Variants in CCT8 observed in about 807,000 individuals in gnomAD.
The protein encoded by CCT8 is T-complex protein 1 subunit theta.
In CCT8, 10 loss-of-function variants were observed where a neutral mutation model predicts 65.7. The observed-to-expected ratio is 0.15, with a 90% confidence interval of 0.09 to 0.26. The LOEUF (loss-of-function observed/expected upper bound fraction) is 0.26, where lower values mean the gene tolerates loss of function less well. CCT8 is among the 10% of genes least tolerant of loss of function. The pLI is 1.00. For synonymous variants in CCT8, 199 were observed against 221.8 expected (o/e 0.90, Z 0.92); for missense variants, 568 against 669.1 (o/e 0.85, Z 1.67).
At chr21:29,073,259 C>A (rs1200751782) in intron 1 of CCT8, 4 of 1,325,022 alleles carry the variant, frequency 3.0e-6, no homozygotes, top group South Asian at 1.8e-5. Context: ...GCAAAACGCA[C>A]GCGCGGCTTC....
intron 3 of CCT8, among the ~76,000 whole-genome samples, chr21:29,068,620 C>T (rs1028740354): frequency 6.6e-6 from 1 of 151,980 alleles, no homozygotes; most frequent in Non-Finnish European, 1.5e-5. Flanking sequence ...CCACCACGCC[C>T]GGCTGATTTT....
chr21:29,068,962 C>T (rs1568915265), intron 3 of CCT8, among the ~76,000 whole-genome samples: 1 of 152,176 alleles, frequency 6.6e-6, no homozygotes, highest in Non-Finnish European at 1.5e-5. Flanking sequence ...TTCCTTATAA[C>T]CCTGCTGGCA....
intron 6 of CCT8, among the ~76,000 whole-genome samples, chr21:29,065,867 G>C (rs2085615662): frequency 1.3e-5 from 2 of 152,128 alleles, no homozygotes; most frequent in Non-Finnish European, 2.9e-5. Flanking sequence ...CAGATCATGA[G>C]GTCAGGAGTT....
chr21:29,073,249 G>A (rs929942511), intron 1 of CCT8: 58 of 1,310,788 alleles, frequency 4.4e-5, no homozygotes, highest in Admixed American at 9.8e-5. Context: ...ACGGATGGAG[G>A]CAAAACGCAC....
At chr21:29,061,023 T>A (rs1936935183) in intron 13 of CCT8, among the ~76,000 whole-genome samples, 1 of 152,212 alleles carries the variant, frequency 6.6e-6, no homozygotes, top group Admixed American at 6.5e-5. Context: ...GTTGGTTGAA[T>A]CAATGGATAC....
chr21:29,062,612 A>G (rs1028896257), intron 8 of CCT8, 56 bp from the exon 9 acceptor site: 6 of 1,432,716 alleles, frequency 4.2e-6, no homozygotes, highest in Non-Finnish European at 5.8e-6. Context: ...GATAGCATAT[A>G]AAGTTCAAAT....
intron 1 of CCT8, chr21:29,071,891 T>A: frequency 1.4e-6 from 1 of 696,536 alleles, no homozygotes; most frequent in South Asian, 1.5e-5. Flanking sequence ...TGCAAATCCC[T>A]TTTCAAGGAA....
At position 29,062,343 on chromosome 21, in the gene CCT8, C is replaced by A; in HGVS notation, c.1081G>T (p.Val361Leu). The A allele has an allele frequency of 1.2e-6, 2 of 1,613,662 alleles. No individual in the cohort carries two copies. Among genetic ancestry groups the A allele is most frequent in the Non-Finnish European group, 1.7e-6 (2 of 1,179,568 alleles). ...YLSEVGDTQV[V>L]VFKHEKEDGA... Reference sequence around the variant, plus strand: ...TCCTACATACCATGCTTAAAAACCACCACCTGAGTATCTCCAACTTCTGAG... The same window carrying A: ...TCCTACATACCATGCTTAAAAACCAACACCTGAGTATCTCCAACTTCTGAG... The change falls in exon 10 of 15, where the codon GTG becomes TTG. Residue 361 changes from valine (V) to leucine (L), a missense_variant. Transcript: ENST00000286788.
intron 6 of CCT8, 97 bp from the exon 7 acceptor site, chr21:29,065,202 AATAAAGTC>A: frequency 7.6e-6 from 10 of 1,319,260 alleles, no homozygotes; most frequent in Non-Finnish European, 1.1e-5. Context: ...CCCTTTCTAA[AATAAAGTC>A]ATAAACCAAG....
intron 12 of CCT8, 37 bp from the exon 13 acceptor site, chr21:29,061,454 A>T (rs1377694574): frequency 6.2e-7 from 1 of 1,613,494 alleles, no homozygotes; most frequent in Non-Finnish European, 8.5e-7. Context: ...TCTTTTATTC[A>T]AGCAATGGAA....
chr21:29,068,595 A>G (rs2085649417), intron 3 of CCT8, among the ~76,000 whole-genome samples: 1 of 151,916 alleles, frequency 6.6e-6, no homozygotes, highest in African/African-American at 2.4e-5. Context: ...GAGTAGCTGG[A>G]ACTACAGGTG....
chr21:29,057,813 ATATACATATGATATG>A (rs1230937325), intron 14 of CCT8, among the ~76,000 whole-genome samples: 21 of 150,136 alleles, frequency 1.4e-4, no homozygotes, highest in African/African-American at 5.1e-4. Flanking sequence ...TATGTATGAT[ATATACATATGATATG>A]TGTGATATAT....
In CCT8 at chr21:29,061,584, C is replaced by G. The variant is rs575020223; in HGVS notation, c.1213-17G>C. The G allele has an allele frequency of 1.3e-6, 2 of 1,592,958 alleles. No homozygotes were observed. Among genetic ancestry groups the G allele is most frequent in the South Asian group, 2.3e-5 (2 of 87,030 alleles). On this transcript the variant is annotated splice_polypyrimidine_tract_variant and intron_variant, in intron 11 of 14. Transcript: ENST00000286788. ...ACGTTTATCCTGTATGTAGCGCCCC[C>G]ACCAAAAAAAAAATGAACACAAAAC...
At chr21:29,067,145 T>C (rs2085633044) in intron 4 of CCT8, 74 bp from the exon 5 acceptor site, 1 of 963,282 alleles carries the variant, frequency 1.0e-6, no homozygotes, top group South Asian at 1.8e-5. Context: ...TGCATATGGA[T>C]GTTTATTTTT....
chr21:29,066,619 T>G, intron 6 of CCT8, 97 bp downstream of exon 6: 1 of 719,504 alleles, frequency 1.4e-6, no homozygotes, highest in Non-Finnish European at 2.3e-6. Context: ...ACATTTAGGT[T>G]TAGATGAACA....
chr21:29,067,336 A>G (rs892673212), intron 4 of CCT8, among the ~76,000 whole-genome samples: 4 of 149,330 alleles, frequency 2.7e-5, no homozygotes, highest in African/African-American at 1.0e-4. Flanking sequence ...ATAAAGTGGG[A>G]AAAAAAATAG....
chr21:29,072,722 A>G (rs1402893265), intron 1 of CCT8, among the ~76,000 whole-genome samples: 1 of 152,250 alleles, frequency 6.6e-6, no homozygotes, highest in Non-Finnish European at 1.5e-5. Flanking sequence ...GGACACACAG[A>G]GGAATGCAAT....
rs1003675425 is a variant in CCT8 at position 29,059,523 on chromosome 21, T to TA, written c.1569+1017dup. 1.1e-4 allele frequency: 17 copies of TA among 152,350 alleles called. No individual in the cohort carries two copies. The East Asian group carries it at 3.1e-3, about 28-fold the overall frequency. The allele number at this position is 152,350 out of a possible 1,614,324, so 9.4% of individuals were successfully genotyped here. On this transcript the variant is annotated intron_variant, in intron 14 of 14. Coordinates refer to ENST00000286788, the MANE Select transcript of CCT8 (RefSeq NM_006585.4). ...TGCGTTCCTTATGCTGCAGTCTACT[T>TA]AGCTTCTTCCGTCCCTGCTATTTTT...
Position 29,061,300 on chromosome 21 carries a change from A to G in CCT8, c.1402T>C (p.Tyr468His), listed in dbSNP as rs767843085. 3.1e-6 allele frequency: 5 copies of G among 1,613,962 alleles called. No homozygotes were observed. The Admixed American group carries it at 5.0e-5, about 16-fold the overall frequency. ...VKANEVISKLYAVHQEGNKNV... is the reference protein window; with the variant it reads ...VKANEVISKLHAVHQEGNKNV... ...TTATTTCCTTCTTGATGTACTGCAT[A>G]AAGTTTAGAGATTACTTCATTGGCC... The change falls in exon 13 of 15, where the codon TAT (tyrosine) becomes CAT (histidine). Residue 468 changes from tyrosine to histidine, a missense_variant. Transcript: ENST00000286788.
Sources: gnomAD v4.1 joint callset for allele counts (sites outside exome capture counted in the v4.1 genomes callset) on GRCh38, gnomAD v4.1.1 for gene constraint, MANE v1.5 for transcripts, NCBI Gene and HGNC (gene_info 2026-07-23, HGNC 2026-07-21) for gene names.